The following SLC8B1 variants were observed in gnomAD, a reference collection of about 807,000 sequenced individuals.
The protein encoded by SLC8B1 is mitochondrial sodium/calcium exchanger protein.
A neutral mutation model predicts 63.4 loss-of-function variants in SLC8B1; 52 were observed. The ratio of observed to expected loss-of-function variants is 0.82; its 90% CI spans 0.66 to 1.03. SLC8B1 has a LOEUF of 1.03. Among genes scored for constraint, SLC8B1 ranks in the 50% least tolerant of loss-of-function variants. The probability of loss-of-function intolerance (pLI) is 0.00; values close to 1 mark genes in which losing one functional copy is unlikely to be tolerated. For missense variants in SLC8B1, 657 were observed against 741.7 expected (o/e 0.89, Z 1.33); for synonymous variants, 336 against 323.9 (o/e 1.04, Z -0.40).
At chr12:113,333,109 C>T (rs775173048) in intron 1 of SLC8B1, 149 bp from the exon 2 acceptor site, 11 of 565,502 alleles carry the variant, frequency 1.9e-5, no homozygotes, top group Admixed American at 1.3e-4. Flanking sequence ...TGCACAGTCT[C>T]GCTGGAGGGG....
chr12:113,316,219 C>T (rs1376218523), intron 10 of SLC8B1, among the ~76,000 whole-genome samples: 2 of 150,056 alleles, frequency 1.3e-5, no homozygotes, highest in Admixed American at 6.6e-5. Flanking sequence ...GAGCGAAACT[C>T]TGTCTCAAAA....
At chr12:113,331,176 TG>T (rs1286344704) in intron 2 of SLC8B1, among the ~76,000 whole-genome samples, 3 of 151,330 alleles carry the variant, frequency 2.0e-5, no homozygotes, top group Non-Finnish European at 4.4e-5. Flanking sequence ...AGAGAGAGGG[TG>T]GGAGTTCAAT....
At position 113,319,025 on chromosome 12, in the gene SLC8B1, G is replaced by A; in HGVS notation, c.741C>T (p.Cys247=). 6.2e-7 allele frequency: 1 copy of A among 1,614,088 alleles called. No homozygotes were observed. Among genetic ancestry groups the A allele is most frequent in the Non-Finnish European group, 8.5e-7 (1 of 1,179,980 alleles). The change falls in exon 8 of 16, where the codon TGC becomes TGT. Residue 247 remains cysteine, a synonymous_variant. Transcript: ENST00000680972. ...YVFYVVTVIL[C]TWIYQRQRRG... ...TCCGTTGCCGTTGGTAGATCCAGGTGCAGAGAATCACAGTGACCACATAGA... is the reference window on the plus strand; with the variant it reads ...TCCGTTGCCGTTGGTAGATCCAGGTACAGAGAATCACAGTGACCACATAGA...
At chr12:113,304,661 G>A (rs950329495) in intron 14 of SLC8B1, among the ~76,000 whole-genome samples, 1 of 152,146 alleles carries the variant, frequency 6.6e-6, no homozygotes, top group East Asian at 1.9e-4. Context: ...GAAGTGCAGT[G>A]GTGTGAACAC....
chr12:113,330,969 A>C (rs1957046705), intron 2 of SLC8B1, among the ~76,000 whole-genome samples: 1 of 152,028 alleles, frequency 6.6e-6, no homozygotes, highest in Non-Finnish European at 1.5e-5. Flanking sequence ...GAAAGATGCA[A>C]GTTCTCTGTA....
At chr12:113,324,033 C>T (rs1192649378) in intron 2 of SLC8B1, among the ~76,000 whole-genome samples, 1 of 152,130 alleles carries the variant, frequency 6.6e-6, no homozygotes, top group Non-Finnish European at 1.5e-5. Context: ...AATCTGTGGC[C>T]AGGTAAACTG....
chr12:113,327,318 C>T (rs891248615), intron 2 of SLC8B1, among the ~76,000 whole-genome samples: 4 of 151,918 alleles, frequency 2.6e-5, no homozygotes, highest in African/African-American at 9.7e-5. Context: ...TTCTAATTTG[C>T]GTCCTTCTAG....
At chr12:113,318,269 T>C (rs923380169) in intron 8 of SLC8B1, among the ~76,000 whole-genome samples, 1 of 152,200 alleles carries the variant, frequency 6.6e-6, no homozygotes, top group African/African-American at 2.4e-5. Context: ...TGTGTGTGCA[T>C]GTATTTGTGT....
At position 113,326,391 on chromosome 12, in the gene SLC8B1, G is replaced by A. The variant is rs140851546; in HGVS notation, c.157-5043C>T. ...TTTATTTACTTATTTATTTTGAGAC[G>A]GAGTCTTACTCTGTTGCCCAGGCTG... On this transcript the variant is annotated intron_variant, in intron 2 of 15. Coordinates refer to ENST00000680972, the MANE Select transcript of SLC8B1 (RefSeq NM_001358345.2). Among the ~76,000 whole-genome samples the A allele has an allele frequency of 9.4e-4, 143 of 151,844 alleles. 5 individuals carry two copies. The highest frequency in any genetic ancestry group is 1.2e-3 in the African/African-American group (50 of 41,420).
intron 2 of SLC8B1, 61 bp from the exon 3 acceptor site, chr12:113,321,409 C>T (rs1410631567): frequency 1.7e-5 from 28 of 1,606,334 alleles, no homozygotes; most frequent in African/African-American, 4.0e-5. Context: ...CTAGACTAGG[C>T]CCATCTAAGC....
At chr12:113,307,994 T>G in intron 12 of SLC8B1, 150 bp from the exon 13 acceptor site, 2 of 902,086 alleles carry the variant, frequency 2.2e-6, no homozygotes, top group South Asian at 3.9e-5. Flanking sequence ...TTGGTGCCTG[T>G]GCAAAGTTAG....
chr12:113,318,378 GTA>G (rs200785278), intron 8 of SLC8B1, among the ~76,000 whole-genome samples: 1,903 of 151,772 alleles, frequency 0.013, 34 homozygotes, highest in African/African-American at 0.044. Flanking sequence ...TGTGTGTGTT[GTA>G]TATGTGTGCA....
chr12:113,314,058 C>T (rs967936307), intron 11 of SLC8B1, among the ~76,000 whole-genome samples: 2 of 152,126 alleles, frequency 1.3e-5, no homozygotes, highest in South Asian at 2.1e-4. Flanking sequence ...GATGCCACAA[C>T]GCTTGTGAAA....
At chr12:113,302,237 G>A (rs191283642) in intron 15 of SLC8B1, 54 of 160,788 alleles carry the variant, frequency 3.4e-4, no homozygotes, top group East Asian at 5.3e-4. Flanking sequence ...TCATGTCTCC[G>A]TAAGAAGAAG....
intron 11 of SLC8B1, among the ~76,000 whole-genome samples, chr12:113,312,975 G>T (rs762192388): frequency 5.3e-5 from 8 of 151,712 alleles, no homozygotes; most frequent in African/African-American, 1.9e-4. Flanking sequence ...GTGCAATCTC[G>T]GCTCACTGCA....
At chr12:113,316,772 A>G in intron 9 of SLC8B1, 116 bp from the exon 10 acceptor site, 1 of 1,533,624 alleles carries the variant, frequency 6.5e-7, no homozygotes, top group East Asian at 2.3e-5. Flanking sequence ...AAAGCCCAGT[A>G]CTCGGCAGAG....
intron 2 of SLC8B1, among the ~76,000 whole-genome samples, chr12:113,331,386 GAAAAAA>G (rs752575330): frequency 1.2e-5 from 1 of 85,860 alleles, no homozygotes. Flanking sequence ...GACTGTTCTC[GAAAAAA>G]AAAAAAAAAA....
chr12:113,328,844 T>C, intron 2 of SLC8B1, among the ~76,000 whole-genome samples: 1 of 151,460 alleles, frequency 6.6e-6, no homozygotes, highest in Non-Finnish European at 1.5e-5. Context: ...CTCCATCTCA[T>C]GGGTTCAAGA....
intron 8 of SLC8B1, 93 bp from the exon 9 acceptor site, chr12:113,317,094 G>T: frequency 1.9e-6 from 2 of 1,077,432 alleles, no homozygotes; most frequent in South Asian, 2.7e-5. Flanking sequence ...AAGTGTTCAG[G>T]CCATCTTATT....
Sources: gnomAD v4.1 joint callset for allele counts (sites outside exome capture counted in the v4.1 genomes callset) on GRCh38, gnomAD v4.1.1 for gene constraint, MANE v1.5 for transcripts, NCBI Gene and HGNC (gene_info 2026-07-23, HGNC 2026-07-21) for gene names.